GRM7: variants seen among roughly 807,000 people sequenced by gnomAD.
GRM7 encodes the protein glutamate metabotropic receptor 7.
Under a neutral mutation model 84.5 loss-of-function variants are expected in GRM7, and 35 were observed. The observed-to-expected ratio is 0.41, with a 90% CI of 0.32 to 0.55. The LOEUF (loss-of-function observed/expected upper bound fraction) is 0.55, where lower values mean the gene tolerates loss of function less well. Among genes scored for constraint, GRM7 ranks in the 20% least tolerant of loss-of-function variants. The pLI, the probability that GRM7 is intolerant of heterozygous loss-of-function variation, is 0.19. For missense variants in GRM7, 1,003 were observed against 1,194.6 expected (o/e 0.84, Z 2.36); for synonymous variants, 487 against 455.1 (o/e 1.07, Z -0.89).
chr3:7,086,587 A>C (rs1698466108), intron 1 of GRM7, among the ~76,000 whole-genome samples: 2 of 152,182 alleles, frequency 1.3e-5, no homozygotes, highest in Admixed American at 6.5e-5. Context: ...CTTCTGTGCA[A>C]CTTGATGTTT....
At chr3:6,869,792 C>G (rs927596141) in intron 1 of GRM7, among the ~76,000 whole-genome samples, 1 of 152,138 alleles carries the variant, frequency 6.6e-6, no homozygotes, top group African/African-American at 2.4e-5. Context: ...AACAGCAAGG[C>G]TAAGAGCAGT....
intron 7 of GRM7, among the ~76,000 whole-genome samples, chr3:7,463,785 G>A (rs1559340887): frequency 6.6e-6 from 1 of 152,060 alleles, no homozygotes; most frequent in Non-Finnish European, 1.5e-5. Flanking sequence ...GGAGCAATAG[G>A]TAAGAGCCAT....
chr3:6,894,774 C>T (rs1444795886), intron 1 of GRM7, among the ~76,000 whole-genome samples: 1 of 152,080 alleles, frequency 6.6e-6, no homozygotes, highest in African/African-American at 2.4e-5. Flanking sequence ...GTCAGTCTGA[C>T]CTTGATGGAA....
chr3:6,872,946 A>G lies in GRM7; in HGVS notation c.519+11039A>G, dbSNP rs561143956. Among the ~76,000 whole-genome samples the G allele has an allele frequency of 2.0e-5, 3 of 152,346 alleles. No homozygotes were observed. In the East Asian group the frequency reaches 5.8e-4, roughly 29 times the overall value. ...ATATGTGTGCATATGTCTTTACAGT[A>G]GAATGATTTATAATCCTCTGGGTAT... On this transcript the variant is annotated intron_variant, in intron 1 of 9. Coordinates refer to ENST00000357716, the MANE Select transcript of GRM7 (RefSeq NM_000844.4).
intron 2 of GRM7, among the ~76,000 whole-genome samples, chr3:7,226,464 T>G (rs2124888124): frequency 6.6e-6 from 1 of 152,300 alleles, no homozygotes; most frequent in Admixed American, 6.5e-5. Context: ...CCCACTGATT[T>G]TTGCTTCTTA....
chr3:7,699,648 T>C (rs1254735681), intron 9 of GRM7, among the ~76,000 whole-genome samples: 2 of 152,190 alleles, frequency 1.3e-5, no homozygotes, highest in African/African-American at 2.4e-5. Context: ...TTTTGGCTCC[T>C]ACTGGGTTTT....
intron 2 of GRM7, among the ~76,000 whole-genome samples, chr3:7,264,931 T>C (rs1698583066): frequency 6.6e-6 from 1 of 152,222 alleles, no homozygotes; most frequent in Non-Finnish European, 1.5e-5. Context: ...CATTACTAGT[T>C]TGCTTTGAAT....
chr3:7,279,229 T>G (rs939679458), intron 2 of GRM7, among the ~76,000 whole-genome samples: 2 of 152,166 alleles, frequency 1.3e-5, no homozygotes, highest in African/African-American at 4.8e-5. Flanking sequence ...AAACCTCCAT[T>G]TATTTTACAT....
chr3:7,728,987 A>G lies in GRM7; in HGVS notation c.2699-11370A>G, dbSNP rs555293630. On this transcript the variant is annotated intron_variant, in intron 9 of 9. Coordinates refer to ENST00000357716, the MANE Select transcript of GRM7 (RefSeq NM_000844.4). ...CCTCCTACCTATGGAGATAAGTAAG[A>G]AACAAGTCATCCTCTCTGCACCTTG... Among the ~76,000 whole-genome samples the G allele has an allele frequency of 5.9e-5, 9 of 151,688 alleles. No individual in the cohort carries two copies. The East Asian group carries it at 1.7e-3, about 29-fold the overall frequency.
chr3:7,485,072 G>A (rs531397928), intron 7 of GRM7, among the ~76,000 whole-genome samples: 1 of 152,136 alleles, frequency 6.6e-6, no homozygotes, highest in Non-Finnish European at 1.5e-5. Context: ...TGGTGAGCTT[G>A]CAAGTCAATC....
intron 1 of GRM7, among the ~76,000 whole-genome samples, chr3:7,044,676 G>GC (rs1696738159): frequency 6.6e-6 from 1 of 151,992 alleles, no homozygotes; most frequent in South Asian, 2.1e-4. Context: ...CTTTTCTACG[G>GC]CTTTTTTTCT....
intron 1 of GRM7, among the ~76,000 whole-genome samples, chr3:6,964,171 A>T (rs2125085801): frequency 6.6e-6 from 1 of 152,294 alleles, no homozygotes; most frequent in South Asian, 2.1e-4. Flanking sequence ...CTCCTGTCTC[A>T]GTCAGCGGGG....
At chr3:7,247,388 A>T (rs1181252584) in intron 2 of GRM7, among the ~76,000 whole-genome samples, 1 of 151,990 alleles carries the variant, frequency 6.6e-6, no homozygotes, top group Non-Finnish European at 1.5e-5. Context: ...CTTGGGCAAA[A>T]TGTGAGACCC....
chr3:7,502,605 C>T (rs191362760), intron 7 of GRM7, among the ~76,000 whole-genome samples: 18 of 152,132 alleles, frequency 1.2e-4, no homozygotes, highest in African/African-American at 3.4e-4. Flanking sequence ...TGCACACACA[C>T]GCACAGATGT....
intron 2 of GRM7, among the ~76,000 whole-genome samples, chr3:7,205,242 T>C (rs187861929): frequency 6.6e-5 from 10 of 152,344 alleles, no homozygotes; most frequent in Admixed American, 6.5e-4. Context: ...CAGAAACTTA[T>C]TGAAAATAAT....
At chr3:7,308,396 T>A (rs753951695) in intron 4 of GRM7, among the ~76,000 whole-genome samples, 2 of 152,138 alleles carry the variant, frequency 1.3e-5, no homozygotes, top group Non-Finnish European at 2.9e-5. Context: ...CTTGTCTCTG[T>A]CTAGAAATAT....
intron 7 of GRM7, among the ~76,000 whole-genome samples, chr3:7,547,003 G>A (rs1693184800): frequency 6.6e-6 from 1 of 151,982 alleles, no homozygotes; most frequent in Admixed American, 6.6e-5. Flanking sequence ...TTTTGAAGCA[G>A]GGAGGCCTTG....
rs9872006 is a variant in GRM7, at chr3:7,158,526, A to G, written c.736+11858A>G. ...TCCATGTAGTGTTCCTGCCATTAAT[A>G]CATATATCCATGGCCACACATTTAA... On this transcript the variant is annotated intron_variant, in intron 2 of 9. Coordinates refer to ENST00000357716, the MANE Select transcript of GRM7 (RefSeq NM_000844.4). Among the ~76,000 whole-genome samples, 688 of 152,164 alleles carry G rather than the reference A, an allele frequency of 4.5e-3. 4 individuals carry two copies. The highest frequency in any genetic ancestry group is 0.016 in the African/African-American group (645 of 41,522).
chr3:7,190,307 C>A (rs1695668853), intron 2 of GRM7, among the ~76,000 whole-genome samples: 2 of 152,102 alleles, frequency 1.3e-5, no homozygotes, highest in Admixed American at 1.3e-4. Flanking sequence ...TATTCCTTAA[C>A]CACCTTAAAC....
Sources: gnomAD v4.1 joint callset for allele counts (sites outside exome capture counted in the v4.1 genomes callset) on GRCh38, gnomAD v4.1.1 for gene constraint, MANE v1.5 for transcripts, NCBI Gene and HGNC (gene_info 2026-07-23, HGNC 2026-07-21) for gene names.